Variants in PCDH9 observed in about 807,000 individuals in gnomAD.
The protein encoded by PCDH9 is protocadherin-9.
PCDH9 carries 24 observed loss-of-function variants against 70.6 expected under a neutral mutation model. That is an observed-to-expected ratio of 0.34 (90% CI 0.25 to 0.48). The LOEUF is 0.48. PCDH9 is among the 20% of genes least tolerant of loss of function. PCDH9 has a pLI of 0.99. For synonymous variants in PCDH9, 562 were observed against 558.5 expected (o/e 1.01, Z -0.09); for missense variants, 1,281 against 1,503.6 (o/e 0.85, Z 2.45).
chr13:66,709,610 C>T (rs1432491419), intron 3 of PCDH9, among the ~76,000 whole-genome samples: 3 of 152,154 alleles, frequency 2.0e-5, no homozygotes, highest in Non-Finnish European at 2.9e-5. Context: ...ACACCAAATC[C>T]GTCTTCTGGT....
In PCDH9 at chr13:66,827,905, T is replaced by G. The variant is rs542664805; in HGVS notation, c.3138+75599A>C. 3.3e-5 allele frequency among the ~76,000 whole-genome samples: 5 copies of G among 152,146 alleles called. No homozygotes were observed. The East Asian group carries it at 9.7e-4, about 29-fold the overall frequency. On this transcript the variant is annotated intron_variant, in intron 3 of 4. Transcript: ENST00000377865. Reference sequence around the variant, plus strand: ...CCACAAAGGACAAAAGATAAGAAACTTACCCCAGGGATTACATATTTTCTT... The same window carrying G: ...CCACAAAGGACAAAAGATAAGAAACGTACCCCAGGGATTACATATTTTCTT...
chr13:66,626,061 A>C (rs779115978), intron 4 of PCDH9, among the ~76,000 whole-genome samples: 13 of 152,090 alleles, frequency 8.5e-5, no homozygotes, highest in Non-Finnish European at 1.8e-4. Context: ...AGCTATCATG[A>C]GATTTTTTTT....
At chr13:66,455,860 G>A (rs1487667794) in intron 4 of PCDH9, among the ~76,000 whole-genome samples, 1 of 152,020 alleles carries the variant, frequency 6.6e-6, no homozygotes, top group Non-Finnish European at 1.5e-5. Context: ...CTAAAGAAAG[G>A]AAAGAAAATA....
intron 3 of PCDH9, among the ~76,000 whole-genome samples, chr13:66,741,343 A>C (rs1323015885): frequency 7.4e-5 from 1 of 13,506 alleles, no homozygotes; most frequent in African/African-American, 7.9e-5. Context: ...GACATATCTC[A>C]AAATAATAAG....
At chr13:67,092,612 C>G (rs75630586) in intron 2 of PCDH9, among the ~76,000 whole-genome samples, 15,636 of 152,104 alleles carry the variant, frequency 0.1, 878 homozygotes, top group South Asian at 0.14. Flanking sequence ...AGTTTCAATG[C>G]CTAATGCTGC....
chr13:66,848,234 G>A (rs1205500738), intron 3 of PCDH9, among the ~76,000 whole-genome samples: 1 of 152,070 alleles, frequency 6.6e-6, no homozygotes, highest in Non-Finnish European at 1.5e-5. Context: ...ATAAAAATAA[G>A]CTATATATAT....
intron 3 of PCDH9, among the ~76,000 whole-genome samples, chr13:66,722,262 A>G (rs2078950975): frequency 6.6e-6 from 1 of 152,158 alleles, no homozygotes; most frequent in Non-Finnish European, 1.5e-5. Flanking sequence ...TGTCCTCTAC[A>G]ATAATTGTAT....
Position 67,068,023 on chromosome 13 carries a change from C to T in PCDH9, c.3036+157382G>A, listed in dbSNP as rs1488701724. 6.6e-5 allele frequency among the ~76,000 whole-genome samples: 10 copies of T among 152,162 alleles called. No individual in the cohort carries two copies. The East Asian group carries it at 1.7e-3, about 26-fold the overall frequency. On this transcript the variant is annotated intron_variant, in intron 2 of 4. Transcript: ENST00000377865. ...TAATCAAATTCCTCTAAACATAGCA[C>T]ATTTTTATTTTACAATAAAATAACT...
intron 4 of PCDH9, among the ~76,000 whole-genome samples, chr13:66,556,683 T>TA (rs1410976445): frequency 1.3e-5 from 2 of 152,182 alleles, no homozygotes; most frequent in Non-Finnish European, 2.9e-5. Flanking sequence ...AATTTAATCA[T>TA]AAAAATTTTT....
In PCDH9 at chr13:66,338,910, T is replaced by C. The variant is rs145718746; in HGVS notation, c.3341-33882A>G. 3.4e-3 allele frequency among the ~76,000 whole-genome samples: 516 copies of C among 151,712 alleles called. 1 individual carries two copies. Among genetic ancestry groups the C allele is most frequent in the Non-Finnish European group, 5.3e-3 (358 of 67,834 alleles). On this transcript the variant is annotated intron_variant, in intron 4 of 4. Transcript: ENST00000377865. ...AAAAAAAGAAGTAAAGAAGCAGCAA[T>C]AAACAATTCCACAAAACCAATTTTC...
intron 4 of PCDH9, among the ~76,000 whole-genome samples, chr13:66,391,319 T>G (rs1014706952): frequency 6.6e-6 from 1 of 152,216 alleles, no homozygotes; most frequent in African/African-American, 2.4e-5. Context: ...AAATATATTC[T>G]TCATGTGGAT....
chr13:66,327,422 G>T (rs1242707636), intron 4 of PCDH9, among the ~76,000 whole-genome samples: 1 of 152,178 alleles, frequency 6.6e-6, no homozygotes, highest in Non-Finnish European at 1.5e-5. Context: ...AGACCTCTTG[G>T]TGTAGAACTT....
chr13:66,593,507 G>C (rs964623175), intron 4 of PCDH9, among the ~76,000 whole-genome samples: 1 of 151,638 alleles, frequency 6.6e-6, no homozygotes, highest in African/African-American at 2.4e-5. Flanking sequence ...GTTGCTTTAT[G>C]ACTGAGTATA....
chr13:66,948,013 G>C (rs550099849), intron 2 of PCDH9, among the ~76,000 whole-genome samples: 1 of 152,138 alleles, frequency 6.6e-6, no homozygotes, highest in African/African-American at 2.4e-5. Flanking sequence ...GGGGGATGAT[G>C]TGAGAGATGC....
intron 3 of PCDH9, among the ~76,000 whole-genome samples, chr13:66,643,613 G>T (rs577598003): frequency 5.3e-5 from 8 of 152,050 alleles, no homozygotes; most frequent in African/African-American, 1.9e-4. Context: ...AAATTCAAAC[G>T]TATGTCAAGA....
intron 4 of PCDH9, among the ~76,000 whole-genome samples, chr13:66,560,462 A>G (rs528442422): frequency 6.6e-6 from 1 of 151,034 alleles, no homozygotes; most frequent in Admixed American, 6.6e-5. Flanking sequence ...TGCTGTGAGT[A>G]AACACTGTAT....
intron 2 of PCDH9, among the ~76,000 whole-genome samples, chr13:67,039,305 G>A (rs75629998): frequency 1.3e-3 from 203 of 152,228 alleles, no homozygotes; most frequent in African/African-American, 4.4e-3. Flanking sequence ...CCTAAGTACC[G>A]GACCAAGGAG....
chr13:66,541,256 T>G (rs1480773276), intron 4 of PCDH9, among the ~76,000 whole-genome samples: 1 of 152,200 alleles, frequency 6.6e-6, no homozygotes, highest in African/African-American at 2.4e-5. Flanking sequence ...CATTTAAGGT[T>G]TCTCTGTGGA....
intron 4 of PCDH9, among the ~76,000 whole-genome samples, chr13:66,536,664 A>G (rs1417748844): frequency 6.6e-6 from 1 of 152,158 alleles, no homozygotes; most frequent in Non-Finnish European, 1.5e-5. Context: ...AAATTTTCAA[A>G]TGAATAGATA....
Sources: gnomAD v4.1 joint callset for allele counts (sites outside exome capture counted in the v4.1 genomes callset) on GRCh38, gnomAD v4.1.1 for gene constraint, MANE v1.5 for transcripts, NCBI Gene and HGNC (gene_info 2026-07-23, HGNC 2026-07-21) for gene names.